SETDB1: variants seen among roughly 807,000 people sequenced by gnomAD.
SETDB1 encodes the protein histone-lysine N-methyltransferase SETDB1.
A neutral mutation model predicts 137.4 loss-of-function variants in SETDB1; 31 were observed. That is an observed-to-expected ratio of 0.23 (90% confidence interval 0.17 to 0.30). The LOEUF (loss-of-function observed/expected upper bound fraction) is 0.30. Among genes scored for constraint, SETDB1 ranks in the 10% least tolerant of loss-of-function variants. SETDB1 has a pLI of 1.00. For synonymous variants in SETDB1, 548 were observed against 579.9 expected (o/e 0.95, Z 0.79); for missense variants, 1,113 against 1,631.5 (o/e 0.68, Z 5.47).
At position 150,941,447 on chromosome 1, in the gene SETDB1, C is replaced by G. The variant is rs1670145964; in HGVS notation, c.547+19C>G. The G allele has an allele frequency of 6.9e-7, 1 of 1,459,316 alleles. No homozygotes were observed. Among genetic ancestry groups the G allele is most frequent in the Admixed American group, 1.7e-5 (1 of 59,518 alleles). The allele number at this position is 1,459,316 out of a possible 1,614,324, so 90.4% of individuals were successfully genotyped here. ...CATAAAGGTTAGGGTCAAGAAATAC[C>G]TGGGTACAGATGGGAGGTGAATTCT... On this transcript the variant is annotated intron_variant, in intron 5 of 21. Coordinates refer to ENST00000692827, the MANE Select transcript of SETDB1 (RefSeq NM_001366418.1).
intron 3 of SETDB1, among the ~76,000 whole-genome samples, chr1:150,936,909 G>A (rs1669962396): frequency 6.6e-6 from 1 of 152,170 alleles, no homozygotes; most frequent in Non-Finnish European, 1.5e-5. Context: ...TGGATCGCCT[G>A]AGGTCAGGAG....
At chr1:150,947,151 A>G in intron 10 of SETDB1, 139 bp downstream of exon 10, 1 of 986,958 alleles carries the variant, frequency 1.0e-6, no homozygotes, top group Non-Finnish European at 1.5e-6. Context: ...AGTTGTTTCC[A>G]ATCATGGTGA....
rs764611684 is a variant in SETDB1, at chr1:150,939,932, G to A, written c.413-8G>A. The A allele has an allele frequency of 1.6e-5, 25 of 1,610,828 alleles. No homozygotes were observed. The highest frequency in any genetic ancestry group is 5.3e-5 in the African/African-American group (4 of 74,838). ...TCTGACACTCATTAGAGTTCTTCTCGTCCATAGGTGATGCTGGGAGCAGAA... is the reference window on the plus strand; with the variant it reads ...TCTGACACTCATTAGAGTTCTTCTCATCCATAGGTGATGCTGGGAGCAGAA... On this transcript the variant is annotated splice_polypyrimidine_tract_variant and splice_region_variant and intron_variant, in intron 3 of 21. Coordinates refer to ENST00000692827, the MANE Select transcript of SETDB1 (RefSeq NM_001366418.1).
In SETDB1 at chr1:150,930,677, C is replaced by A. The variant is rs192685886; in HGVS notation, c.412+559C>A. 7.3e-5 allele frequency among the ~76,000 whole-genome samples: 11 copies of A among 151,436 alleles called. No homozygotes were observed. In the East Asian group the frequency reaches 2.1e-3, roughly 29 times the overall value. ...CAACTAGCTGGGATTACAGGCAAAC[C>A]CCCTGCCCCACCACCACACCCAGCT... On this transcript the variant is annotated intron_variant, in intron 3 of 21. Transcript: ENST00000692827.
intron 14 of SETDB1, among the ~76,000 whole-genome samples, chr1:150,951,875 C>T (rs966679165): frequency 1.3e-5 from 2 of 152,166 alleles, no homozygotes; most frequent in African/African-American, 2.4e-5. Flanking sequence ...CAGGCTGGCA[C>T]AGTGGCTCAC....
chr1:150,942,907 G>T lies in SETDB1; in HGVS notation c.729G>T (p.Ser243=). ...ACAACAAAGGAAAGAGTCTACTGTC[G>T]GGGAACCATATTGCCTATGATTACC... The part of the protein sequence containing the change: ...KFDNKGKSLL[S]GNHIAYDYHP... Residue 243 remains serine (S), a synonymous_variant, in exon 7 of 22, where the codon TCG becomes TCT. Coordinates refer to ENST00000692827, the MANE Select transcript of SETDB1 (RefSeq NM_001366418.1). 6.2e-7 allele frequency: 1 copy of T among 1,614,094 alleles called. No homozygotes were observed. The highest frequency in any genetic ancestry group is 1.3e-5 in the African/African-American group (1 of 75,032).
chr1:150,963,221 G>A (rs1571665498), intron 19 of SETDB1, 82 bp downstream of exon 19: 3 of 1,306,104 alleles, frequency 2.3e-6, no homozygotes, highest in Middle Eastern at 1.9e-4. Flanking sequence ...AGCTAAAGAA[G>A]TAGTGGGTAA....
intron 9 of SETDB1, 189 bp downstream of exon 9, chr1:150,945,297 A>C: frequency 6.9e-7 from 1 of 1,443,896 alleles, no homozygotes; most frequent in Non-Finnish European, 9.1e-7. Flanking sequence ...TGTTGAAAAT[A>C]AATTATCTGA....
rs779195870 is a variant in SETDB1 at position 150,959,223 on chromosome 1, C to T, written c.2379C>T (p.Cys793=). The part of the protein sequence containing the change: ...NKRCKCDPNM[C]TNRLVQHGLQ... ...GCTGCAAATGTGACCCAAACATGTG[C>T]ACAAACCGGTTGGTGCAACATGGAC... Residue 793 remains cysteine, a synonymous_variant, in exon 15 of 22, where the codon TGC becomes TGT. Coordinates refer to ENST00000692827, the MANE Select transcript of SETDB1 (RefSeq NM_001366418.1). 2 of 1,600,456 alleles carry T rather than the reference C, an allele frequency of 1.2e-6. No individual in the cohort carries two copies. Among genetic ancestry groups the T allele is most frequent in the Non-Finnish European group, 1.7e-6 (2 of 1,175,712 alleles).
intron 9 of SETDB1, among the ~76,000 whole-genome samples, chr1:150,945,694 C>T (rs1288799984): frequency 6.6e-6 from 1 of 152,118 alleles, no homozygotes; most frequent in Non-Finnish European, 1.5e-5. Context: ...ACTTCTAAGG[C>T]CTTATGATCC....
At chr1:150,926,550 C>T (rs1378775332) in intron 1 of SETDB1, 33 bp downstream of exon 1, 1 of 368,480 alleles carries the variant, frequency 2.7e-6, no homozygotes, top group East Asian at 7.4e-5. Flanking sequence ...ATTTGGTGAC[C>T]AAAGGCTTAT....
intron 3 of SETDB1, among the ~76,000 whole-genome samples, chr1:150,932,087 T>TA (rs1049751731): frequency 1.7e-4 from 26 of 149,148 alleles, no homozygotes; most frequent in African/African-American, 4.9e-4. Flanking sequence ...TTTGCTGATT[T>TA]AAAAAAAAAA....
intron 3 of SETDB1, among the ~76,000 whole-genome samples, chr1:150,935,197 C>T (rs1462915964): frequency 6.6e-6 from 1 of 152,134 alleles, no homozygotes; most frequent in African/African-American, 2.4e-5. Context: ...TGCCCTCTGG[C>T]CTCTATTATT....
chr1:150,939,330 A>T (rs902174062), intron 3 of SETDB1, among the ~76,000 whole-genome samples: 2 of 77,076 alleles, frequency 2.6e-5, no homozygotes, highest in African/African-American at 5.2e-5. Context: ...TTTATTTTTT[A>T]TTATTATTGT....
intron 3 of SETDB1, among the ~76,000 whole-genome samples, chr1:150,935,887 T>G (rs72992040): frequency 0.034 from 5,191 of 152,274 alleles, 303 homozygotes; most frequent in African/African-American, 0.12. Flanking sequence ...CACTTTCATG[T>G]TTCTTTGCAT....
intron 14 of SETDB1, among the ~76,000 whole-genome samples, chr1:150,952,542 T>G (rs1312492406): frequency 6.6e-6 from 1 of 151,718 alleles, no homozygotes; most frequent in Non-Finnish European, 1.5e-5. Flanking sequence ...ACCGAAGGAG[T>G]AGTAGGTTTG....
Position 150,943,234 on chromosome 1 carries a change from G to GT in SETDB1, c.875+189dup, listed in dbSNP as rs202069264. The stretch of plus-strand genomic sequence containing the variant: ...ATTCTTTCTTCCTCTTTCTCCTCCT[G>GT]TTTTTTTTCCTTTTCTTTCCTCAAA... On this transcript the variant is annotated intron_variant, in intron 7 of 21. Transcript: ENST00000692827. Among the ~76,000 whole-genome samples, 748 of 151,938 alleles carry GT rather than the reference G, an allele frequency of 4.9e-3. 3 individuals are homozygous for GT. The highest frequency in any genetic ancestry group is 9.7e-3 in the Admixed American group (148 of 15,242).
intron 3 of SETDB1, among the ~76,000 whole-genome samples, chr1:150,931,383 A>G (rs1003683425): frequency 3.3e-5 from 5 of 151,368 alleles, no homozygotes; most frequent in African/African-American, 1.2e-4. Context: ...CAGGAGATCC[A>G]GACCATCCTG....
At chr1:150,959,783 A>G (rs902087680) in intron 15 of SETDB1, among the ~76,000 whole-genome samples, 3 of 152,222 alleles carry the variant, frequency 2.0e-5, no homozygotes. Context: ...TATCAAAGAG[A>G]AACACTGGGC....
Sources: allele counts gnomAD v4.1 joint callset (sites outside exome capture counted in the v4.1 genomes callset), GRCh38; gene constraint gnomAD v4.1.1; transcripts MANE v1.5; gene names NCBI Gene and HGNC (gene_info 2026-07-23, HGNC 2026-07-21).